The following PLA2G5 variants were observed in gnomAD, a reference collection of about 807,000 sequenced individuals.
The protein encoded by PLA2G5 is phospholipase A2 group V.
Under a neutral mutation model 15.9 loss-of-function variants are expected in PLA2G5, and 12 were observed. The observed-to-expected ratio is 0.76, with a 90% confidence interval of 0.48 to 1.23. The LOEUF is 1.23. Ranked by LOEUF, PLA2G5 falls within the 50% of genes most tolerant of loss-of-function variation. PLA2G5 has a pLI of 0.00. For missense variants in PLA2G5, 169 were observed against 177.1 expected (o/e 0.95, Z 0.26); for synonymous variants, 71 against 71.4 (o/e 0.99, Z 0.03).
At chr1:20,080,047 G>A (rs77631878) in intron 1 of PLA2G5, among the ~76,000 whole-genome samples, 1,529 of 152,316 alleles carry the variant, frequency 0.01, 15 homozygotes, top group Middle Eastern at 0.02. Context: ...CTGCAAGTCC[G>A]GGAGCGGGGC....
chr1:20,044,018 G>T (rs2013759188), intron 1 of PLA2G5, among the ~76,000 whole-genome samples: 1 of 152,204 alleles, frequency 6.6e-6, no homozygotes, highest in Admixed American at 6.5e-5. Context: ...GAGCTTTAGG[G>T]GCTCTAGGAG....
chr1:20,031,304 A>T (rs1198698189), intron 1 of PLA2G5, among the ~76,000 whole-genome samples: 1 of 152,162 alleles, frequency 6.6e-6, no homozygotes, highest in Non-Finnish European at 1.5e-5. Context: ...TGGAAAAAAG[A>T]GGGGATCGTG....
chr1:20,045,093 T>A (rs1490453584), intron 1 of PLA2G5, among the ~76,000 whole-genome samples: 1 of 152,098 alleles, frequency 6.6e-6, no homozygotes, highest in East Asian at 1.9e-4. Flanking sequence ...GGAACCATTG[T>A]TGAGTTTGTA....
chr1:20,069,942 A>G (rs1483669661), upstream of PLA2G5, among the ~76,000 whole-genome samples: 1 of 152,032 alleles, frequency 6.6e-6, no homozygotes, highest in East Asian at 1.9e-4. Context: ...ATGAGCCCCC[A>G]GGGACTCAGA....
intron 1 of PLA2G5, among the ~76,000 whole-genome samples, chr1:20,084,164 A>G (rs1003069193): frequency 2.7e-5 from 4 of 149,368 alleles, no homozygotes; most frequent in African/African-American, 1.0e-4. Flanking sequence ...CAGGCCCTGA[A>G]AGCCACTGGC....
chr1:20,074,551 C>T (rs147798001), intron 1 of PLA2G5, among the ~76,000 whole-genome samples: 1 of 152,328 alleles, frequency 6.6e-6, no homozygotes, highest in African/African-American at 2.4e-5. Context: ...GTTTCCAACA[C>T]TTAAAGATTA....
At chr1:20,043,522 C>G (rs1011925857) in intron 1 of PLA2G5, among the ~76,000 whole-genome samples, 6 of 152,062 alleles carry the variant, frequency 3.9e-5, no homozygotes, top group Admixed American at 2.0e-4. Context: ...TGTCCCATAT[C>G]TGTGGGTTAA....
intron 1 of PLA2G5, among the ~76,000 whole-genome samples, chr1:20,031,263 T>C (rs1332198598): frequency 6.6e-6 from 1 of 152,200 alleles, no homozygotes; most frequent in Non-Finnish European, 1.5e-5. Flanking sequence ...TGTGAACAGC[T>C]GGATTTGTGT....
intron 1 of PLA2G5, among the ~76,000 whole-genome samples, chr1:20,048,897 T>C (rs759423669): frequency 1.3e-5 from 2 of 152,182 alleles, no homozygotes; most frequent in Non-Finnish European, 2.9e-5. Flanking sequence ...AATTAAGTAA[T>C]AGATATTTCA....
intron 2 of PLA2G5, among the ~76,000 whole-genome samples, chr1:20,060,442 G>A (rs1033406429): frequency 6.6e-6 from 1 of 151,380 alleles, no homozygotes; most frequent in Admixed American, 6.6e-5. Context: ...TAGTAGAGAT[G>A]GGGTTTCATC....
At chr1:20,030,160 C>A (rs776247761) in intron 1 of PLA2G5, among the ~76,000 whole-genome samples, 6 of 151,356 alleles carry the variant, frequency 4.0e-5, no homozygotes, top group Non-Finnish European at 7.4e-5. Context: ...GCTTAGCATA[C>A]GAAGGACCAG....
chr1:20,069,913 C>T (rs748712605), upstream of PLA2G5, among the ~76,000 whole-genome samples: 1 of 151,894 alleles, frequency 6.6e-6, no homozygotes, highest in Non-Finnish European at 1.5e-5. Flanking sequence ...TGTTCATGTT[C>T]TTGTCCCCGC....
intron 2 of PLA2G5, among the ~76,000 whole-genome samples, chr1:20,064,346 G>C (rs1347030173): frequency 6.6e-6 from 1 of 152,190 alleles, no homozygotes; most frequent in Non-Finnish European, 1.5e-5. Flanking sequence ...GGCTGAGGCA[G>C]GCAGATGATT....
intron 2 of PLA2G5, among the ~76,000 whole-genome samples, chr1:20,062,723 A>G (rs573070018): frequency 1.3e-5 from 2 of 152,324 alleles, no homozygotes; most frequent in East Asian, 3.9e-4. Context: ...CATGTAGCAC[A>G]GGGCCTGTGG....
At chr1:20,044,483 C>T (rs1419808990) in intron 1 of PLA2G5, among the ~76,000 whole-genome samples, 4 of 152,046 alleles carry the variant, frequency 2.6e-5, no homozygotes, top group Admixed American at 6.6e-5. Context: ...CCTCTGGGTC[C>T]AAGGCTGTAA....
intron 1 of PLA2G5, among the ~76,000 whole-genome samples, chr1:20,036,608 T>G (rs1569627867): frequency 6.6e-6 from 1 of 152,300 alleles, no homozygotes; most frequent in East Asian, 1.9e-4. Context: ...TTTTTTTATT[T>G]ATGCTTTCTA....
At position 20,080,368 on chromosome 1, in the gene PLA2G5, G is replaced by A. The variant is rs181797401; in HGVS notation, c.-10-4453G>A. On this transcript the variant is annotated intron_variant, in intron 1 of 4. Transcript: ENST00000375108. The stretch of plus-strand genomic sequence containing the variant: ...AGTGTGAGGTGGGTGGATCACTTGA[G>A]GTCAGGAGTTCGAGACCAGCCTGAC... Among the ~76,000 whole-genome samples, 41 of 152,236 alleles carry A rather than the reference G, an allele frequency of 2.7e-4. No homozygotes were observed. The East Asian group carries it at 7.7e-3, about 29-fold the overall frequency.
In PLA2G5 at chr1:20,075,868, C is replaced by CTTT. The variant is rs534879331; in HGVS notation, c.-11+5422_-11+5424dup. 1.5e-3 allele frequency among the ~76,000 whole-genome samples: 178 copies of CTTT among 121,744 alleles called. 2 individuals are homozygous for CTTT. The highest frequency in any genetic ancestry group is 4.6e-3 in the African/African-American group (148 of 31,968). 79.9% of individuals were successfully genotyped at this position (121,744 alleles called of 152,430 possible). A position where few individuals can be genotyped will look rare whatever the true frequency, so the allele number is the denominator to read the frequency against. The stretch of plus-strand genomic sequence containing the variant: ...AATGTGGAAATGTGGATTTCTTTCT[C>CTTT]TTTTTTTTTTTTTTTTTTTTTGAGA... On this transcript the variant is annotated intron_variant, in intron 1 of 4. Transcript: ENST00000375108.
intron 1 of PLA2G5, among the ~76,000 whole-genome samples, chr1:20,079,468 C>A (rs2015885753): frequency 6.6e-6 from 1 of 152,168 alleles, no homozygotes; most frequent in African/African-American, 2.4e-5. Flanking sequence ...ATATACTTCC[C>A]CAACTGACAT....
Sources: gnomAD v4.1 joint callset for allele counts (sites outside exome capture counted in the v4.1 genomes callset) on GRCh38, gnomAD v4.1.1 for gene constraint, MANE v1.5 for transcripts, NCBI Gene and HGNC (gene_info 2026-07-23, HGNC 2026-07-21) for gene names.